Variants in AGPAT3 observed in about 807,000 individuals in gnomAD.
AGPAT3 encodes the protein 1-acyl-sn-glycerol-3-phosphate acyltransferase gamma.
A neutral mutation model predicts 47.3 loss-of-function variants in AGPAT3; 5 were observed. That is an observed-to-expected ratio of 0.11 (90% confidence interval 0.06 to 0.22). AGPAT3 has a LOEUF of 0.22. Among genes scored for constraint, AGPAT3 ranks in the 10% least tolerant of loss-of-function variants. The pLI is 1.00. For synonymous variants in AGPAT3, 212 were observed against 208.3 expected, an observed-to-expected ratio of 1.02 and a Z score of -0.15; for missense variants, 315 against 493.0, an observed-to-expected ratio of 0.64 and a Z score of 3.42.
chr21:43,979,298 C>CAAAAAAAAAAAAAA (rs540542305), intron 8 of AGPAT3, among the ~76,000 whole-genome samples: 5 of 57,522 alleles, frequency 8.7e-5, no homozygotes, highest in East Asian at 5.5e-4. Context: ...GACTCCAACT[C>CAAAAAAAAAAAAAA]AAAAAAAAAA....
chr21:43,969,038 G>A lies in AGPAT3; in HGVS notation c.349-80G>A. On this transcript the variant is annotated intron_variant, in intron 4 of 9. Coordinates refer to ENST00000291572, the MANE Select transcript of AGPAT3 (RefSeq NM_020132.5). ...CTAGAGCGACACCACACAGGAGCTG[G>A]GTGCAGCGGGAGCCTGGCCAAGCCC... The A allele has an allele frequency of 6.2e-6, 9 of 1,460,648 alleles. No homozygotes were observed. In the South Asian group the frequency reaches 9.9e-5, roughly 16 times the overall value. The allele number at this position is 1,460,648 out of a possible 1,614,324, so 90.5% of individuals were successfully genotyped here. A position where few individuals can be genotyped will look rare whatever the true frequency, so the allele number is the denominator to read the frequency against.
intron 8 of AGPAT3, among the ~76,000 whole-genome samples, chr21:43,978,961 G>A (rs1004188232): frequency 2.6e-5 from 4 of 152,164 alleles, no homozygotes; most frequent in African/African-American, 9.6e-5. Flanking sequence ...CTCCCAGGAT[G>A]TAAAAAATAT....
At chr21:43,958,951 G>A (rs1402804154) in intron 2 of AGPAT3, among the ~76,000 whole-genome samples, 2 of 142,128 alleles carry the variant, frequency 1.4e-5, no homozygotes, top group East Asian at 4.4e-4. Context: ...TGTGTGGCGT[G>A]TATGTGGTTT....
chr21:43,918,046 T>C (rs1601302125), intron 2 of AGPAT3, among the ~76,000 whole-genome samples: 1 of 101,010 alleles, frequency 9.9e-6, no homozygotes, highest in African/African-American at 4.2e-5. Flanking sequence ...GTTGGTGTTG[T>C]GGGGGTTGTG....
chr21:43,918,639 T>G (rs1018133982), intron 2 of AGPAT3, among the ~76,000 whole-genome samples: 11 of 150,554 alleles, frequency 7.3e-5, no homozygotes, highest in Non-Finnish European at 1.5e-4. Flanking sequence ...CAGGCTGAAG[T>G]GCAGTGGTAC....
At chr21:43,866,971 C>G (rs2085521319) in intron 1 of AGPAT3, among the ~76,000 whole-genome samples, 1 of 152,238 alleles carries the variant, frequency 6.6e-6, no homozygotes, top group Non-Finnish European at 1.5e-5. Flanking sequence ...GGTGCTGCCC[C>G]GCCCCAGGCT....
intron 2 of AGPAT3, among the ~76,000 whole-genome samples, chr21:43,944,549 A>G (rs950182782): frequency 1.3e-5 from 2 of 152,242 alleles, no homozygotes; most frequent in Non-Finnish European, 2.9e-5. Flanking sequence ...CCTAAGTGGC[A>G]CTGATTGACA....
chr21:43,898,127 G>A, intron 1 of AGPAT3, among the ~76,000 whole-genome samples: 1 of 152,154 alleles, frequency 6.6e-6, no homozygotes, highest in East Asian at 1.9e-4. Flanking sequence ...AAAGAAAGAA[G>A]AGGGGAGAGG....
rs942138776 is a variant in AGPAT3, at chr21:43,987,505, G to A, written c.*5113G>A. Among the ~76,000 whole-genome samples the A allele has an allele frequency of 6.6e-6, 1 of 151,992 alleles. No individual in the cohort carries two copies. The highest frequency in any genetic ancestry group is 1.5e-5 in the Non-Finnish European group (1 of 67,978). ...ATACATCCAAAACTACTCTTTTTTT[G>A]TAAAAACATTCATCTGTGGAGAAAA... On this transcript the variant is annotated 3_prime_UTR_variant, in exon 10 of 10. Coordinates refer to ENST00000291572, the MANE Select transcript of AGPAT3 (RefSeq NM_020132.5).
rs2089828702 is a variant in AGPAT3 at position 43,980,976 on chromosome 21, T to G, written c.844-13T>G. ...AAGCCTCACGCTTCCTTTTTCTCTG[T>G]TGACTCTTCTAGGACGCGCTCCAGG... is the stretch of plus-strand genomic sequence containing the variant. On this transcript the variant is annotated splice_polypyrimidine_tract_variant and intron_variant, in intron 8 of 9. Transcript: ENST00000291572. 1 of 1,611,304 alleles carries G rather than the reference T, an allele frequency of 6.2e-7. No homozygotes were observed. The highest frequency in any genetic ancestry group is 1.3e-5 in the African/African-American group (1 of 74,860).
Position 43,970,698 on chromosome 21 carries a change from C to T in AGPAT3, c.556C>T (p.Arg186Cys), listed in dbSNP as rs372467570. ...GACGCGCTTCACGGAGACCAAGCAC[C>T]GCGTTAGCATGGAGGTGGCGGCTGC... is the stretch of plus-strand genomic sequence containing the variant. ...EGTRFTETKH[R>C]VSMEVAAAKG... Residue 186 changes from arginine to cysteine, a missense_variant, in exon 6 of 10, where the codon CGC becomes TGC. Arg to Cys is a radical substitution (Grantham distance 180, BLOSUM62 -3). Coordinates refer to ENST00000291572, the MANE Select transcript of AGPAT3 (RefSeq NM_020132.5). This position sits in a 1 kb window ranked among gnomAD's most constrained non-coding sequence, Gnocchi z 5.8. 3.6e-5 allele frequency: 58 copies of T among 1,613,798 alleles called. No individual in the cohort carries two copies. Among genetic ancestry groups the T allele is most frequent in the Admixed American group, 6.7e-5 (4 of 59,996 alleles).
At chr21:43,866,984 G>T (rs1307181019) in intron 1 of AGPAT3, among the ~76,000 whole-genome samples, 2 of 152,266 alleles carry the variant, frequency 1.3e-5, no homozygotes, top group Non-Finnish European at 2.9e-5. Context: ...CCCAGGCTGG[G>T]GCCCCAGTGC....
chr21:43,870,729 A>C (rs1005503573), intron 1 of AGPAT3, among the ~76,000 whole-genome samples: 1 of 152,206 alleles, frequency 6.6e-6, no homozygotes, highest in African/African-American at 2.4e-5. Context: ...CTCAATAAAT[A>C]AACAAATAAA....
chr21:43,918,495 T>A (rs2086810387), intron 2 of AGPAT3, among the ~76,000 whole-genome samples: 1 of 151,816 alleles, frequency 6.6e-6, no homozygotes, highest in Non-Finnish European at 1.5e-5. Flanking sequence ...AGAGAAGAGA[T>A]AAAAATAATT....
rs2086249087 is a variant in AGPAT3, at chr21:43,897,517, GGCCGGGCAGAGGC to G, written c.-111-6437_-111-6425del. 5.3e-5 allele frequency among the ~76,000 whole-genome samples: 8 copies of G among 151,752 alleles called. 1 individual carries two copies. The highest frequency in any genetic ancestry group is 1.7e-4 in the African/African-American group (7 of 41,326). The stretch of plus-strand genomic sequence containing the variant: ...CTGCAGAAGGGTTCCCAGACAGGGC[GGCCGGGCAGAGGC>G]GCTCCTCACATCCCAGAGGGGGCGG... On this transcript the variant is annotated intron_variant, in intron 1 of 9. Transcript: ENST00000291572.
chr21:43,893,262 T>A (rs1017108102), intron 1 of AGPAT3, among the ~76,000 whole-genome samples: 3 of 152,222 alleles, frequency 2.0e-5, no homozygotes, highest in South Asian at 4.1e-4. Flanking sequence ...GCCAGCAGCC[T>A]CTGCTAGCTT....
rs1295111225 is a variant in AGPAT3, at chr21:43,970,026, T to A, written c.511-627T>A. Among the ~76,000 whole-genome samples the A allele has an allele frequency of 6.6e-6, 1 of 151,890 alleles. No homozygotes were observed. The highest frequency in any genetic ancestry group is 1.9e-4 in the East Asian group (1 of 5,182). On this transcript the variant is annotated intron_variant, in intron 5 of 9. Coordinates refer to ENST00000291572, the MANE Select transcript of AGPAT3 (RefSeq NM_020132.5). The surrounding 1 kb of genome is among the most constrained non-coding windows in gnomAD (Gnocchi z 5.8). ...TGTTAGCATTTCTTTTTTTTTGTTT[T>A]GAGACAGAGCCTTAGTCTGTCACCC...
At chr21:43,896,942 CGT>C (rs2086229593) in intron 1 of AGPAT3, among the ~76,000 whole-genome samples, 2 of 93,134 alleles carry the variant, frequency 2.1e-5, no homozygotes, top group African/African-American at 8.6e-5. Flanking sequence ...TTTGACAGTC[CGT>C]TTTTTTTTTT....
At chr21:43,971,594 G>T in intron 7 of AGPAT3, 104 bp downstream of exon 7, 1 of 1,036,024 alleles carries the variant, frequency 9.7e-7, no homozygotes, top group Middle Eastern at 2.5e-4. Flanking sequence ...ACGTCCCACA[G>T]CCCCGCAGGG....
Sources: gnomAD v4.1 joint callset for allele counts (sites outside exome capture counted in the v4.1 genomes callset) on GRCh38, gnomAD v4.1.1 for gene constraint, Gnocchi (gnomAD v3.1) non-coding constraint, MANE v1.5 for transcripts, NCBI Gene and HGNC (gene_info 2026-07-23, HGNC 2026-07-21) for gene names.